Variants in PNPLA7 observed in about 807,000 individuals in gnomAD.
The protein encoded by PNPLA7 is patatin-like phospholipase domain-containing protein 7.
In PNPLA7, 153 loss-of-function variants were observed where a neutral mutation model predicts 161.7. The ratio of observed to expected loss-of-function variants is 0.95; its 90% CI spans 0.83 to 1.08. The LOEUF is 1.08. Ranked by LOEUF, PNPLA7 falls within the 50% of genes least tolerant of loss-of-function variation. The pLI is 0.00. For synonymous variants in PNPLA7, 809 were observed against 782.1 expected (o/e 1.03, Z -0.57); for missense variants, 1,739 against 1,856.6 (o/e 0.94, Z 1.16).
At chr9:137,512,320 C>T (rs1004794099) in intron 12 of PNPLA7, among the ~76,000 whole-genome samples, 3 of 152,262 alleles carry the variant, frequency 2.0e-5, no homozygotes, top group African/African-American at 4.8e-5. Context: ...CTCCACATGA[C>T]GGCATGGATG....
intron 11 of PNPLA7, among the ~76,000 whole-genome samples, chr9:137,519,263 C>T (rs1378791960): frequency 6.6e-6 from 1 of 152,270 alleles, no homozygotes; most frequent in Non-Finnish European, 1.5e-5. Context: ...TCACACAGAT[C>T]GTCGTGGGGT....
chr9:137,522,291 G>A (rs150236459), intron 9 of PNPLA7, among the ~76,000 whole-genome samples: 3,527 of 149,688 alleles, frequency 0.024, 148 homozygotes, highest in African/African-American at 0.08. Flanking sequence ...AGCCAGGATG[G>A]TCTCGATCTC....
chr9:137,533,232 A>G (rs1762575271), intron 8 of PNPLA7, among the ~76,000 whole-genome samples: 1 of 149,342 alleles, frequency 6.7e-6, no homozygotes, highest in Non-Finnish European at 1.5e-5. Flanking sequence ...TGTCCACTCC[A>G]GGCGGGAGGA....
chr9:137,543,958 T>G lies in PNPLA7; in HGVS notation c.274-143A>C. On this transcript the variant is annotated intron_variant, in intron 4 of 34. Coordinates refer to ENST00000406427, the MANE Select transcript of PNPLA7 (RefSeq NM_001098537.3). This position sits in a 1 kb window ranked among gnomAD's most constrained non-coding sequence, Gnocchi z 6.9. ...CTCCTGGGGTCTGGCTGTGCCATTT[T>G]CCCACCCTGCCTGGCCTGTGAGGGA... The G allele has an allele frequency of 3.0e-6, 2 of 670,604 alleles. No individual in the cohort carries two copies. Among genetic ancestry groups the G allele is most frequent in the South Asian group, 3.6e-5 (2 of 56,066 alleles). 41.5% of individuals were successfully genotyped at this position (670,604 alleles called of 1,614,324 possible).
chr9:137,480,867 C>T, intron 22 of PNPLA7, 93 bp downstream of exon 22: 2 of 1,307,266 alleles, frequency 1.5e-6, no homozygotes, highest in Non-Finnish European at 2.1e-6. Context: ...GAGCACGCTG[C>T]AGTGCAGATG....
chr9:137,480,930 G>C, intron 22 of PNPLA7, 30 bp downstream of exon 22: 1 of 1,550,396 alleles, frequency 6.4e-7, no homozygotes, highest in Non-Finnish European at 8.7e-7. Flanking sequence ...GGCCGGCTGG[G>C]AGGAAGGAGT....
chr9:137,505,593 G>C, intron 14 of PNPLA7, 21 bp downstream of exon 14: 1 of 1,612,618 alleles, frequency 6.2e-7, no homozygotes, highest in Non-Finnish European at 8.5e-7. Context: ...CAAGGGCCAG[G>C]TGCCCGCCGG....
At chr9:137,480,791 G>A (rs1382814427) in intron 22 of PNPLA7, 169 bp downstream of exon 22, 6 of 851,296 alleles carry the variant, frequency 7.0e-6, no homozygotes, top group South Asian at 6.6e-5. Flanking sequence ...GCAGGTCAGC[G>A]CTGCCCAGTG....
chr9:137,546,217 G>A (rs183751382), intron 4 of PNPLA7, among the ~76,000 whole-genome samples: 26 of 151,864 alleles, frequency 1.7e-4, no homozygotes, highest in Admixed American at 5.3e-4. Flanking sequence ...TCTCTGTCTC[G>A]GCTGCCAGGC....
intron 16 of PNPLA7, among the ~76,000 whole-genome samples, chr9:137,498,951 C>T (rs1179390811): frequency 6.6e-6 from 1 of 152,154 alleles, no homozygotes; most frequent in Non-Finnish European, 1.5e-5. Context: ...GAATCAGGAT[C>T]TGCTTTGCAC....
chr9:137,509,869 TA>T, intron 12 of PNPLA7: 1 of 366,102 alleles, frequency 2.7e-6, no homozygotes, highest in Non-Finnish European at 5.6e-6. Flanking sequence ...ATATAGATCT[TA>T]GGTATGATTA....
At chr9:137,522,128 G>A (rs373931392) in intron 9 of PNPLA7, among the ~76,000 whole-genome samples, 2 of 152,182 alleles carry the variant, frequency 1.3e-5, no homozygotes, top group Non-Finnish European at 2.9e-5. Context: ...AGGCTGGAGT[G>A]CAGTGGCACC....
At chr9:137,514,949 G>C (rs999108208) in intron 12 of PNPLA7, among the ~76,000 whole-genome samples, 1 of 152,172 alleles carries the variant, frequency 6.6e-6, no homozygotes, top group Non-Finnish European at 1.5e-5. Context: ...CGGCTGTTGA[G>C]GTTTTGCTAC....
intron 11 of PNPLA7, chr9:137,516,386 C>T (rs763397829): frequency 5.0e-5 from 49 of 984,950 alleles, no homozygotes; most frequent in Non-Finnish European, 5.7e-5. Context: ...TCCTTACCTA[C>T]AGAGGCCCAT....
chr9:137,467,065 C>A lies in PNPLA7; in HGVS notation c.3039+252G>T, dbSNP rs1272936866. 6.6e-6 allele frequency among the ~76,000 whole-genome samples: 1 copy of A among 152,016 alleles called. No homozygotes were observed. The highest frequency in any genetic ancestry group is 2.4e-5 in the African/African-American group (1 of 41,378). ...CCTCAGACCCGGGCACAGATCAGAC[C>A]ACCTCCCACCACCGTCTCCACCAAC... On this transcript the variant is annotated intron_variant, in intron 26 of 34. Coordinates refer to ENST00000406427, the MANE Select transcript of PNPLA7 (RefSeq NM_001098537.3). This position sits in a 1 kb window ranked among gnomAD's most constrained non-coding sequence, Gnocchi z 5.1.
At chr9:137,477,186 C>T (rs1409178011) in intron 25 of PNPLA7, among the ~76,000 whole-genome samples, 1 of 152,236 alleles carries the variant, frequency 6.6e-6, no homozygotes, top group East Asian at 1.9e-4. Context: ...AGCAGAGGGG[C>T]ACATGCCTGT....
chr9:137,542,553 T>G, intron 7 of PNPLA7, 89 bp downstream of exon 7: 2 of 1,368,288 alleles, frequency 1.5e-6, no homozygotes, highest in Non-Finnish European at 1.9e-6. Context: ...TGCCTAGCTT[T>G]TCAATGAGAA....
At chr9:137,484,010 A>G (rs966611131) in intron 21 of PNPLA7, among the ~76,000 whole-genome samples, 2 of 151,884 alleles carry the variant, frequency 1.3e-5, no homozygotes, top group Admixed American at 6.6e-5. Context: ...ATCTTGGCTC[A>G]CTGCAACCTC....
At chr9:137,513,023 G>A (rs753268997) in intron 12 of PNPLA7, among the ~76,000 whole-genome samples, 2 of 151,586 alleles carry the variant, frequency 1.3e-5, no homozygotes, top group Non-Finnish European at 2.9e-5. Flanking sequence ...GATACCTGAT[G>A]CCCGATGGCA....
Sources: gnomAD v4.1 joint callset for allele counts (sites outside exome capture counted in the v4.1 genomes callset) on GRCh38, gnomAD v4.1.1 for gene constraint, Gnocchi (gnomAD v3.1) non-coding constraint, MANE v1.5 for transcripts, NCBI Gene and HGNC (gene_info 2026-07-23, HGNC 2026-07-21) for gene names.